The following TP63 variants were observed in gnomAD, a reference collection of about 807,000 sequenced individuals.
The protein encoded by TP63 is tumor protein 63.
In TP63, 17 loss-of-function variants were observed where a neutral mutation model predicts 82.8. The observed-to-expected ratio is 0.21, with a 90% CI of 0.14 to 0.31. TP63 has a LOEUF of 0.31. Ranked by LOEUF, TP63 falls within the 10% of genes least tolerant of loss-of-function variation. The pLI, the probability that TP63 is intolerant of heterozygous loss-of-function variation, is 1.00. For missense variants in TP63, 648 were observed against 895.3 expected (o/e 0.72, Z 3.52); for synonymous variants, 330 against 321.7 (o/e 1.03, Z -0.28).
the TP63 span, among the ~76,000 whole-genome samples, chr3:189,613,103 AACCTAAT>A: frequency 1.3e-5 from 2 of 152,222 alleles, no homozygotes; most frequent in African/African-American, 4.8e-5. Flanking sequence ...AGTAGCAAGG[AACCTAAT>A]GTTAATCCCC....
At chr3:189,633,043 A>G (rs1729556957) in intron 1 of TP63, among the ~76,000 whole-genome samples, 3 of 152,050 alleles carry the variant, frequency 2.0e-5, no homozygotes, top group African/African-American at 7.2e-5. Context: ...CTAATAACCC[A>G]CACTTCAATC....
intron 1 of TP63, among the ~76,000 whole-genome samples, chr3:189,663,521 C>CTTTTTTTTTTTTT (rs397991949): frequency 5.9e-5 from 5 of 84,530 alleles, no homozygotes; most frequent in Non-Finnish European, 1.0e-4. Flanking sequence ...TTCATTCATT[C>CTTTTTTTTTTTTT]TTTTTTTTTT....
rs34836784 is a variant in TP63 at position 189,806,040 on chromosome 3, C to CTTTTT, written c.325-2209_325-2205dup. On this transcript the variant is annotated intron_variant, in intron 3 of 13. Transcript: ENST00000264731. Reference sequence around the variant, plus strand: ...ACCCAATAAACAACAGAAGCAAACACTTTTTTTTTTTTTTTTTTTTTTTTT... The same window carrying CTTTTT: ...ACCCAATAAACAACAGAAGCAAACACTTTTTTTTTTTTTTTTTTTTTTTTTTTTTT... Among the ~76,000 whole-genome samples the CTTTTT allele has an allele frequency of 3.3e-4, 17 of 52,078 alleles. 1 individual carries two copies. Among genetic ancestry groups the CTTTTT allele is most frequent in the Admixed American group, 1.1e-3 (4 of 3,666 alleles). 34.2% of individuals were successfully genotyped at this position (52,078 alleles called of 152,430 possible). A position where few individuals can be genotyped will look rare whatever the true frequency, so the allele number is the denominator to read the frequency against.
intron 1 of TP63, among the ~76,000 whole-genome samples, chr3:189,693,797 G>A (rs1717131363): frequency 6.6e-6 from 1 of 152,094 alleles, no homozygotes; most frequent in South Asian, 2.1e-4. Context: ...TTAACTCACG[G>A]TGCCTGGTGT....
chr3:189,833,676 CTCT>C (rs1227074872), intron 4 of TP63, among the ~76,000 whole-genome samples: 39 of 82,844 alleles, frequency 4.7e-4, no homozygotes, highest in African/African-American at 2.9e-3. Context: ...TTTTCTCTCT[CTCT>C]TTTTTTTTTT....
At chr3:189,780,390 A>G (rs1056460068) in intron 3 of TP63, among the ~76,000 whole-genome samples, 6 of 152,236 alleles carry the variant, frequency 3.9e-5, no homozygotes, top group African/African-American at 1.4e-4. Flanking sequence ...ACAGAAATGT[A>G]GAATACTTTA....
chr3:189,893,596 A>G (rs1166989148), intron 13 of TP63, among the ~76,000 whole-genome samples: 3 of 152,218 alleles, frequency 2.0e-5, no homozygotes, highest in Admixed American at 1.3e-4. Context: ...GAGACCTTTT[A>G]GATAAAAGTG....
chr3:189,832,800 G>C (rs959140129), intron 4 of TP63, among the ~76,000 whole-genome samples: 3 of 152,186 alleles, frequency 2.0e-5, no homozygotes, highest in African/African-American at 7.2e-5. Context: ...CAGATGCAGA[G>C]TTATGTGTCT....
At chr3:189,837,928 A>G (rs1292545063) in intron 4 of TP63, among the ~76,000 whole-genome samples, 2 of 152,086 alleles carry the variant, frequency 1.3e-5, no homozygotes, top group South Asian at 4.1e-4. Context: ...CCTGGCCAAT[A>G]TTCCTTACTT....
intron 11 of TP63, among the ~76,000 whole-genome samples, chr3:189,887,917 C>T (rs1406116548): frequency 2.7e-5 from 4 of 147,202 alleles, no homozygotes; most frequent in South Asian, 2.2e-4. Context: ...AGTGCAATGG[C>T]GCAATCTCGG....
At chr3:189,762,402 T>C (rs1322964669) in intron 3 of TP63, among the ~76,000 whole-genome samples, 1 of 152,110 alleles carries the variant, frequency 6.6e-6, no homozygotes, top group East Asian at 1.9e-4. Context: ...AGATAGCTTT[T>C]GGGGCAAGAG....
intron 1 of TP63, among the ~76,000 whole-genome samples, chr3:189,669,953 T>C (rs1714748672): frequency 1.3e-5 from 2 of 152,020 alleles, no homozygotes; most frequent in African/African-American, 4.8e-5. Flanking sequence ...GTGTTAAACA[T>C]TCCTATTAAA....
intron 3 of TP63, among the ~76,000 whole-genome samples, chr3:189,787,175 C>A (rs1291473473): frequency 2.0e-5 from 3 of 151,998 alleles, no homozygotes; most frequent in Admixed American, 2.0e-4. Context: ...ATTTAAGTAT[C>A]TTAAGTAGCT....
rs755159274 is a variant in TP63, at chr3:189,689,429, T to TTA, written c.63-48308_63-48307dup. ...CCATGCCCAGCCCAAATCTACCTTC[T>TTA]TATAGGTGGAGAAACTGAGACCCTG... is the stretch of plus-strand genomic sequence containing the variant. On this transcript the variant is annotated intron_variant, in intron 1 of 13. Coordinates refer to ENST00000264731, the MANE Select transcript of TP63 (RefSeq NM_003722.5). Among the ~76,000 whole-genome samples, 9 of 152,164 alleles carry TTA rather than the reference T, an allele frequency of 5.9e-5. No homozygotes were observed. In the South Asian group the frequency reaches 1.7e-3, roughly 28 times the overall value.
At chr3:189,769,213 A>G (rs1399883436) in intron 3 of TP63, among the ~76,000 whole-genome samples, 4 of 152,168 alleles carry the variant, frequency 2.6e-5, no homozygotes. Context: ...GTATTTTTTC[A>G]ATGTTTAATA....
the TP63 span, among the ~76,000 whole-genome samples, chr3:189,607,973 G>C: frequency 6.6e-6 from 1 of 151,866 alleles, no homozygotes; most frequent in Non-Finnish European, 1.5e-5. Context: ...TACTAGACTT[G>C]AGAGGTTCAG....
rs779179533 is a variant in TP63 at position 189,808,322 on chromosome 3, G to C, written c.375G>C (p.Gln125His). ...GLLNSMDQQI[Q>H]NGSSSTSPYN... is the part of the protein sequence containing the mutation. ...TGAACAGCATGGACCAGCAGATTCAGAACGGCTCCTCGTCCACCAGTCCCT... is the reference window on the plus strand; with the variant it reads ...TGAACAGCATGGACCAGCAGATTCACAACGGCTCCTCGTCCACCAGTCCCT... Residue 125 changes from glutamine to histidine, a missense_variant, in exon 4 of 14, where the codon CAG (glutamine) becomes CAC (histidine). Gln to His is a conservative substitution (Grantham distance 24). Coordinates refer to ENST00000264731, the MANE Select transcript of TP63 (RefSeq NM_003722.5). 1 of 1,614,190 alleles carries C rather than the reference G, an allele frequency of 6.2e-7. No homozygotes were observed. Among genetic ancestry groups the C allele is most frequent in the Non-Finnish European group, 8.5e-7 (1 of 1,180,042 alleles).
chr3:189,600,741 TA>T, the TP63 span, among the ~76,000 whole-genome samples: 1 of 152,184 alleles, frequency 6.6e-6, no homozygotes, highest in Non-Finnish European at 1.5e-5. Context: ...AATAAACTTT[TA>T]GGGATTTTAC....
intron 1 of TP63, among the ~76,000 whole-genome samples, chr3:189,722,299 G>A (rs1188078453): frequency 6.6e-6 from 1 of 152,210 alleles, no homozygotes; most frequent in East Asian, 1.9e-4. Flanking sequence ...TCAGCAGGAA[G>A]TGTTTGGAAT....
Sources: gnomAD v4.1 joint callset for allele counts (sites outside exome capture counted in the v4.1 genomes callset) on GRCh38, gnomAD v4.1.1 for gene constraint, MANE v1.5 for transcripts, NCBI Gene and HGNC (gene_info 2026-07-23, HGNC 2026-07-21) for gene names.